PKP4: variants seen among roughly 807,000 people sequenced by gnomAD.
PKP4 encodes the protein plakophilin 4.
In PKP4, 90 loss-of-function variants were observed where a neutral mutation model predicts 145.1. The observed-to-expected ratio is 0.62, with a 90% CI of 0.52 to 0.74. The LOEUF is 0.74. PKP4 is among the 30% of genes least tolerant of loss of function. PKP4 has a pLI of 0.00. For missense variants in PKP4, 1,340 were observed against 1,482.7 expected (o/e 0.90, Z 1.58); for synonymous variants, 563 against 577.2 (o/e 0.98, Z 0.35).
chr2:158,669,864 A>G lies in PKP4; in HGVS notation c.2873A>G (p.Asp958Gly). The change falls in exon 17 of 22, where the codon GAC (aspartate) becomes GGC (glycine). Residue 958 changes from aspartate to glycine, a missense_variant. Asp to Gly is a moderately conservative substitution (Grantham distance 94, BLOSUM62 -1). Coordinates refer to ENST00000389759, the MANE Select transcript of PKP4 (RefSeq NM_003628.6). ...KNMENAKALA[D>G]SGGIEKLVNI... ...ATGGAGAACGCAAAAGCCCTGGCCG[A>G]CTCAGGAGGCATAGAGAAGCTGGTG... is the stretch of plus-strand genomic sequence containing the variant. 1 of 1,613,948 alleles carries G rather than the reference A, an allele frequency of 6.2e-7. No homozygotes were observed.
intron 11 of PKP4, among the ~76,000 whole-genome samples, chr2:158,655,032 T>C (rs2055778546): frequency 6.6e-6 from 1 of 152,160 alleles, no homozygotes; most frequent in South Asian, 2.1e-4. Flanking sequence ...AATCAACATG[T>C]AGAATTTCAA....
chr2:158,618,811 T>C (rs2051907103), intron 4 of PKP4, among the ~76,000 whole-genome samples: 1 of 152,176 alleles, frequency 6.6e-6, no homozygotes. Context: ...GGTTTTGGTT[T>C]CCATGGTGAA....
At chr2:158,561,743 C>T (rs1487134553) in intron 2 of PKP4, among the ~76,000 whole-genome samples, 1 of 151,928 alleles carries the variant, frequency 6.6e-6, no homozygotes, top group Non-Finnish European at 1.5e-5. Flanking sequence ...TTCCCTCTTT[C>T]TCTCTACCCA....
chr2:158,652,498 G>A (rs1010408855), intron 11 of PKP4, among the ~76,000 whole-genome samples: 1 of 152,220 alleles, frequency 6.6e-6, no homozygotes, highest in Non-Finnish European at 1.5e-5. Flanking sequence ...CAGCTGCATA[G>A]AGAAAGAAAT....
At position 158,554,686 on chromosome 2, in the gene PKP4, A is replaced by G. The variant is rs1403691028; in HGVS notation, c.132+21370A>G. 2.6e-5 allele frequency among the ~76,000 whole-genome samples: 4 copies of G among 152,094 alleles called. 1 individual carries two copies. Among genetic ancestry groups the G allele is most frequent in the Non-Finnish European group, 4.4e-5 (3 of 68,004 alleles). ...GTGATCCGCCTGCGTCAGCCTCCCAAAGTGCTGGGATTGCAGGCGTGAGCC... is the reference window on the plus strand; with the variant it reads ...GTGATCCGCCTGCGTCAGCCTCCCAGAGTGCTGGGATTGCAGGCGTGAGCC... On this transcript the variant is annotated intron_variant, in intron 2 of 21. Coordinates refer to ENST00000389759, the MANE Select transcript of PKP4 (RefSeq NM_003628.6).
At chr2:158,663,905 C>A (rs1467268498) in intron 15 of PKP4, among the ~76,000 whole-genome samples, 1 of 152,192 alleles carries the variant, frequency 6.6e-6, no homozygotes, top group Non-Finnish European at 1.5e-5. Context: ...ATCCAGATAA[C>A]AGGGACAACA....
chr2:158,500,253 C>T (rs1035327851), intron 1 of PKP4, among the ~76,000 whole-genome samples: 2 of 152,186 alleles, frequency 1.3e-5, no homozygotes, highest in Non-Finnish European at 2.9e-5. Flanking sequence ...CAAATGAGGG[C>T]CCCAGTGTTT....
chr2:158,521,213 A>T (rs1354217668), intron 1 of PKP4, among the ~76,000 whole-genome samples: 1 of 152,192 alleles, frequency 6.6e-6, no homozygotes, highest in Non-Finnish European at 1.5e-5. Context: ...TGGGATAGTT[A>T]CCATTATTCC....
At chr2:158,662,837 A>C in intron 13 of PKP4, 60 bp from the exon 14 acceptor site, 1 of 1,352,326 alleles carries the variant, frequency 7.4e-7, no homozygotes, top group Non-Finnish European at 1.0e-6. Context: ...TGTTCAGTAC[A>C]GAAGTGTTTT....
Position 158,621,427 on chromosome 2 carries a change from C to G in PKP4, c.603+6C>G. On this transcript the variant is annotated splice_donor_region_variant and intron_variant, in intron 6 of 21. Transcript: ENST00000389759. ...AAGGACAAACACTGGTTCAGGTAAG[C>G]CAAACGCATCAAGATCTCTGCAAAG... 1 of 1,611,186 alleles carries G rather than the reference C, an allele frequency of 6.2e-7. No individual in the cohort carries two copies. Among genetic ancestry groups the G allele is most frequent in the Non-Finnish European group, 8.5e-7 (1 of 1,177,472 alleles).
chr2:158,677,192 T>C, intron 20 of PKP4: 1 of 365,354 alleles, frequency 2.7e-6, no homozygotes, highest in East Asian at 7.0e-5. Context: ...TCGAGCAGTC[T>C]CTGTGTTTTC....
chr2:158,603,175 A>G (rs1553457435), intron 4 of PKP4, 71 bp downstream of exon 4: 3 of 830,252 alleles, frequency 3.6e-6, no homozygotes, highest in Non-Finnish European at 5.6e-6. Flanking sequence ...TTAACTTACT[A>G]TCTCTTGGTG....
intron 12 of PKP4, chr2:158,660,725 T>C (rs1218412660): frequency 1.3e-5 from 2 of 152,246 alleles, no homozygotes; most frequent in African/African-American, 4.8e-5. Context: ...AGAAAAGTTT[T>C]AGCATAAGCA....
intron 2 of PKP4, among the ~76,000 whole-genome samples, chr2:158,570,173 T>G (rs1450100961): frequency 6.6e-6 from 1 of 152,222 alleles, no homozygotes; most frequent in Non-Finnish European, 1.5e-5. Flanking sequence ...GCTGGTTATC[T>G]TAAGGATGAG....
chr2:158,500,513 G>A (rs1296866606), intron 1 of PKP4, among the ~76,000 whole-genome samples: 1 of 152,246 alleles, frequency 6.6e-6, no homozygotes, highest in South Asian at 2.1e-4. Flanking sequence ...AACAGAAAAT[G>A]CAGTGCTTAT....
chr2:158,462,784 A>G (rs904877773), intron 1 of PKP4, among the ~76,000 whole-genome samples: 1 of 152,040 alleles, frequency 6.6e-6, no homozygotes, highest in African/African-American at 2.4e-5. Context: ...AGATTGTATA[A>G]TCTCTGTGGT....
chr2:158,490,435 T>G (rs2105462254), intron 1 of PKP4, among the ~76,000 whole-genome samples: 1 of 152,168 alleles, frequency 6.6e-6, no homozygotes, highest in South Asian at 2.1e-4. Context: ...AAAAGATGCA[T>G]AAGTAAAGTC....
rs193239482 is a variant in PKP4, at chr2:158,603,215, A to G, written c.280+111A>G. Reference sequence around the variant, plus strand: ...AAGCCAAGCAAAGCCTTTAATAGTGACAATATTGCGCTACATTGCTTTGGA... The same window carrying G: ...AAGCCAAGCAAAGCCTTTAATAGTGGCAATATTGCGCTACATTGCTTTGGA... On this transcript the variant is annotated intron_variant, in intron 4 of 21. Transcript: ENST00000389759. 102 of 576,256 alleles carry G rather than the reference A, an allele frequency of 1.8e-4. No homozygotes were observed. The African/African-American group carries it at 1.8e-3, about 10-fold the overall frequency. 35.7% of individuals were successfully genotyped at this position (576,256 alleles called of 1,614,324 possible).
chr2:158,533,588 T>A, intron 2 of PKP4: 1 of 525,264 alleles, frequency 1.9e-6, no homozygotes, highest in Admixed American at 2.3e-5. Context: ...CATTGCAGAG[T>A]GTGTGCATGC....
Sources: allele counts gnomAD v4.1 joint callset (sites outside exome capture counted in the v4.1 genomes callset), GRCh38; gene constraint gnomAD v4.1.1; transcripts MANE v1.5; gene names NCBI Gene and HGNC (gene_info 2026-07-23, HGNC 2026-07-21).